The following ITGBL1 variants were observed in gnomAD, a reference collection of about 807,000 sequenced individuals.
ITGBL1 encodes integrin beta-like protein 1.
A neutral mutation model predicts 68.5 loss-of-function variants in ITGBL1; 51 were observed. The ratio of observed to expected loss-of-function variants is 0.74; its 90% CI spans 0.59 to 0.94. The LOEUF (loss-of-function observed/expected upper bound fraction) is 0.94. ITGBL1 is among the 40% of genes least tolerant of loss of function. The pLI is 0.00. For missense variants in ITGBL1, 649 were observed against 647.4 expected, an observed-to-expected ratio of 1.00 and a Z score of -0.03; for synonymous variants, 209 against 227.3, an observed-to-expected ratio of 0.92 and a Z score of 0.72.
chr13:101,583,337 T>C lies in ITGBL1; in HGVS notation c.849T>C (p.Tyr283=). 6.3e-7 allele frequency: 1 copy of C among 1,592,146 alleles called. No individual in the cohort carries two copies. Among genetic ancestry groups the C allele is most frequent in the Non-Finnish European group, 8.5e-7 (1 of 1,169,844 alleles). Residue 283 remains tyrosine, a synonymous_variant, in exon 6 of 11, where the codon TAT becomes TAC. Transcript: ENST00000376180. The stretch of plus-strand genomic sequence containing the variant: ...ACTGTAGAGCTGTCTATGACCGATA[T>C]TCTGATGACTTCTGTTCAGGTAAGG... ...ERDCRAVYDR[Y]SDDFCSGHGQ... is the part of the protein sequence containing the mutation.
At chr13:101,607,989 T>C (rs2030950062) in intron 7 of ITGBL1, among the ~76,000 whole-genome samples, 1 of 152,094 alleles carries the variant, frequency 6.6e-6, no homozygotes, top group South Asian at 2.1e-4. Flanking sequence ...GTTTGCCCTT[T>C]GGTTTTCTTT....
chr13:101,693,775 T>C (rs2033938729), intron 8 of ITGBL1, among the ~76,000 whole-genome samples: 1 of 152,212 alleles, frequency 6.6e-6, no homozygotes, highest in African/African-American at 2.4e-5. Context: ...TACTTTCTTC[T>C]TTCCTTTCTC....
At chr13:101,510,977 T>G (rs1034291663) in intron 2 of ITGBL1, among the ~76,000 whole-genome samples, 5 of 152,168 alleles carry the variant, frequency 3.3e-5, no homozygotes, top group Non-Finnish European at 7.4e-5. Context: ...TTTCTTTTGC[T>G]GTGCAGAAGA....
At chr13:101,606,479 C>T (rs1208517691) in intron 7 of ITGBL1, among the ~76,000 whole-genome samples, 2 of 151,764 alleles carry the variant, frequency 1.3e-5, no homozygotes, top group Admixed American at 1.3e-4. Context: ...TCTCTAGTCT[C>T]CTAGTGTTGT....
At chr13:101,568,365 A>G (rs1204277647) in intron 3 of ITGBL1, among the ~76,000 whole-genome samples, 2 of 152,172 alleles carry the variant, frequency 1.3e-5, no homozygotes, top group Non-Finnish European at 2.9e-5. Context: ...ATTTTTTACA[A>G]AATTGTAGCA....
intron 5 of ITGBL1, among the ~76,000 whole-genome samples, chr13:101,580,170 T>C (rs1044052204): frequency 6.6e-6 from 1 of 151,950 alleles, no homozygotes; most frequent in Admixed American, 6.5e-5. Flanking sequence ...AAAAAGTGAT[T>C]ATACTTCTTT....
chr13:101,542,608 C>T (rs1477279711), intron 2 of ITGBL1, among the ~76,000 whole-genome samples: 1 of 152,090 alleles, frequency 6.6e-6, no homozygotes, highest in African/African-American at 2.4e-5. Context: ...TCCTGGATAT[C>T]CTTGTTAACT....
chr13:101,604,893 C>CAT (rs2030631692), intron 7 of ITGBL1, among the ~76,000 whole-genome samples: 1 of 77,216 alleles, frequency 1.3e-5, no homozygotes, highest in Non-Finnish European at 2.8e-5. Flanking sequence ...TATATACACA[C>CAT]ACACACACAT....
At chr13:101,533,278 G>C (rs1380226854) in intron 2 of ITGBL1, among the ~76,000 whole-genome samples, 1 of 152,134 alleles carries the variant, frequency 6.6e-6, no homozygotes, top group Non-Finnish European at 1.5e-5. Context: ...TGCTAGTATA[G>C]CTTACTGCTA....
intron 7 of ITGBL1, among the ~76,000 whole-genome samples, chr13:101,678,203 TA>T (rs2033552362): frequency 2.0e-5 from 3 of 152,216 alleles, no homozygotes; most frequent in Admixed American, 2.0e-4. Flanking sequence ...CACATATGTG[TA>T]AACTCGTATG....
At chr13:101,529,058 AAAT>A (rs1311186017) in intron 2 of ITGBL1, among the ~76,000 whole-genome samples, 9 of 152,076 alleles carry the variant, frequency 5.9e-5, no homozygotes, top group Non-Finnish European at 1.2e-4. Flanking sequence ...AAATGAAAGA[AAAT>A]AATAATTTCA....
intron 2 of ITGBL1, among the ~76,000 whole-genome samples, chr13:101,482,086 C>A (rs553723021): frequency 2.0e-5 from 3 of 152,082 alleles, no homozygotes; most frequent in Non-Finnish European, 4.4e-5. Flanking sequence ...CAGTTTATTA[C>A]GTAATGAGCA....
At chr13:101,597,385 G>A (rs1244562170) in intron 6 of ITGBL1, among the ~76,000 whole-genome samples, 11 of 139,370 alleles carry the variant, frequency 7.9e-5, no homozygotes, top group African/African-American at 3.0e-4. Flanking sequence ...TACTGAGAAA[G>A]GAGCGTTTAT....
chr13:101,696,981 G>A (rs969143544), intron 8 of ITGBL1, among the ~76,000 whole-genome samples: 3 of 151,908 alleles, frequency 2.0e-5, no homozygotes, highest in Admixed American at 6.6e-5. Flanking sequence ...GGGAAAGCTG[G>A]GCAAAAGCAC....
intron 7 of ITGBL1, among the ~76,000 whole-genome samples, chr13:101,615,733 G>A (rs2031324584): frequency 6.6e-6 from 1 of 152,008 alleles, no homozygotes; most frequent in Non-Finnish European, 1.5e-5. Context: ...AAGCTGCAGT[G>A]AGCCATGATG....
intron 2 of ITGBL1, among the ~76,000 whole-genome samples, chr13:101,457,673 G>A (rs1317606269): frequency 6.6e-6 from 1 of 152,038 alleles, no homozygotes; most frequent in Non-Finnish European, 1.5e-5. Context: ...AAATTAGCTG[G>A]GTGTGATGGT....
intron 2 of ITGBL1, among the ~76,000 whole-genome samples, chr13:101,478,563 G>C (rs1313839296): frequency 6.6e-6 from 1 of 152,040 alleles, no homozygotes; most frequent in Admixed American, 6.6e-5. Flanking sequence ...CAGATGATAT[G>C]ATCTTATGCT....
intron 2 of ITGBL1, among the ~76,000 whole-genome samples, chr13:101,515,941 C>A (rs2049188083): frequency 6.6e-6 from 1 of 152,116 alleles, no homozygotes; most frequent in African/African-American, 2.4e-5. Context: ...AAGAGGATAG[C>A]AACATGGAAG....
Position 101,539,578 on chromosome 13 carries a change from T to G in ITGBL1, c.317-28121T>G, listed in dbSNP as rs557091733. Among the ~76,000 whole-genome samples, 1,424 of 152,042 alleles carry G rather than the reference T, an allele frequency of 9.4e-3. 21 individuals carry two copies. Among genetic ancestry groups the G allele is most frequent in the African/African-American group, 0.032 (1,327 of 41,428 alleles). ...TTGGGTATATACCCAGTAATGGGATTGCTGGGTCAAATGGTATTTCTAGTT... is the reference window on the plus strand; with the variant it reads ...TTGGGTATATACCCAGTAATGGGATGGCTGGGTCAAATGGTATTTCTAGTT... On this transcript the variant is annotated intron_variant, in intron 2 of 10. Coordinates refer to ENST00000376180, the MANE Select transcript of ITGBL1 (RefSeq NM_004791.3).
Sources: allele counts gnomAD v4.1 joint callset (sites outside exome capture counted in the v4.1 genomes callset), GRCh38; gene constraint gnomAD v4.1.1; transcripts MANE v1.5; gene names NCBI Gene and HGNC (gene_info 2026-07-23, HGNC 2026-07-21).